Variants in EPB41L2 observed in about 807,000 individuals in gnomAD.
The protein encoded by EPB41L2 is erythrocyte membrane protein band 4.1 like 2, also known as band 4.1-like protein 2.
Under a neutral mutation model 113.0 loss-of-function variants are expected in EPB41L2, and 43 were observed. That is an observed-to-expected ratio of 0.38 (90% CI 0.30 to 0.49). The LOEUF is 0.49. Ranked by LOEUF, EPB41L2 falls within the 20% of genes least tolerant of loss-of-function variation. The pLI is 0.95. For synonymous variants in EPB41L2, 442 were observed against 436.7 expected (o/e 1.01, Z -0.15); for missense variants, 1,147 against 1,223.4 (o/e 0.94, Z 0.93).
At chr6:130,919,004 T>C (rs1802007968) in intron 4 of EPB41L2, among the ~76,000 whole-genome samples, 1 of 152,212 alleles carries the variant, frequency 6.6e-6, no homozygotes, top group Admixed American at 6.5e-5. Context: ...GGATTTTGTC[T>C]ACATAAGCAG....
intron 1 of EPB41L2, among the ~76,000 whole-genome samples, chr6:130,984,832 G>A (rs1780168259): frequency 6.6e-6 from 1 of 152,112 alleles, no homozygotes; most frequent in Non-Finnish European, 1.5e-5. Flanking sequence ...AGATTTACGG[G>A]CTTGGGACCA....
chr6:131,053,866 C>T (rs1285847112), intron 1 of EPB41L2, among the ~76,000 whole-genome samples: 1 of 152,230 alleles, frequency 6.6e-6, no homozygotes, highest in Non-Finnish European at 1.5e-5. Context: ...AGAAAGGCAA[C>T]TACAGGCTGT....
intron 14 of EPB41L2, among the ~76,000 whole-genome samples, chr6:130,872,731 T>C (rs1786172540): frequency 6.6e-6 from 1 of 152,212 alleles, no homozygotes; most frequent in African/African-American, 2.4e-5. Context: ...TTTTCCACCC[T>C]GCTTGAGAAT....
intron 4 of EPB41L2, among the ~76,000 whole-genome samples, chr6:130,920,835 C>G (rs1802648923): frequency 6.6e-6 from 1 of 151,950 alleles, no homozygotes; most frequent in Admixed American, 6.6e-5. Context: ...TTTTAAATTT[C>G]TTCATCCTTC....
chr6:130,972,980 C>T (rs571418176), intron 1 of EPB41L2, among the ~76,000 whole-genome samples: 8 of 141,818 alleles, frequency 5.6e-5, no homozygotes, highest in African/African-American at 1.6e-4. Context: ...GGTGTGGTGG[C>T]GCACGCCTGT....
chr6:130,998,219 G>A (rs1783587169), intron 1 of EPB41L2, among the ~76,000 whole-genome samples: 1 of 152,202 alleles, frequency 6.6e-6, no homozygotes. Context: ...TACTAGCTAT[G>A]AGACTTTGAC....
chr6:130,877,507 C>T (rs1787946811), intron 14 of EPB41L2, among the ~76,000 whole-genome samples: 2 of 151,890 alleles, frequency 1.3e-5, no homozygotes, highest in South Asian at 4.2e-4. Context: ...GAGAAGTAAA[C>T]CATGAAAAGA....
chr6:130,938,244 T>C (rs1236226431), intron 3 of EPB41L2, among the ~76,000 whole-genome samples: 1 of 152,190 alleles, frequency 6.6e-6, no homozygotes. Flanking sequence ...TAGGGAAAAA[T>C]CCACTTCATT....
At chr6:130,877,204 C>T (rs1787840195) in intron 14 of EPB41L2, among the ~76,000 whole-genome samples, 1 of 152,114 alleles carries the variant, frequency 6.6e-6, no homozygotes, top group Non-Finnish European at 1.5e-5. Context: ...ATAAAAATAG[C>T]ACTAGAATAT....
intron 4 of EPB41L2, among the ~76,000 whole-genome samples, chr6:130,912,358 G>C (rs1213330160): frequency 1.3e-5 from 2 of 152,118 alleles, no homozygotes; most frequent in Non-Finnish European, 2.9e-5. Context: ...ATGGTATAAC[G>C]GAACATTAAC....
intron 1 of EPB41L2, among the ~76,000 whole-genome samples, chr6:131,013,326 A>G (rs1231624638): frequency 6.6e-6 from 1 of 152,172 alleles, no homozygotes; most frequent in African/African-American, 2.4e-5. Context: ...AAGGCAGGAG[A>G]AAAACATGGA....
At chr6:130,844,102 A>G (rs534487390) in intron 19 of EPB41L2, among the ~76,000 whole-genome samples, 11 of 152,376 alleles carry the variant, frequency 7.2e-5, no homozygotes, top group African/African-American at 2.6e-4. Flanking sequence ...TTTAAGTGGT[A>G]CAGCACTCAT....
intron 1 of EPB41L2, among the ~76,000 whole-genome samples, chr6:130,993,098 GT>G (rs2128698748): frequency 6.6e-6 from 1 of 152,234 alleles, no homozygotes; most frequent in South Asian, 2.1e-4. Context: ...CAATCTTTGT[GT>G]TATTTTACAG....
At chr6:130,932,090 G>T (rs1404351143) in intron 3 of EPB41L2, among the ~76,000 whole-genome samples, 1 of 152,088 alleles carries the variant, frequency 6.6e-6, no homozygotes, top group East Asian at 1.9e-4. Context: ...TTTTTGAGCT[G>T]CTCTAAAATA....
At chr6:130,874,906 C>T (rs1411869276) in intron 14 of EPB41L2, among the ~76,000 whole-genome samples, 1 of 152,112 alleles carries the variant, frequency 6.6e-6, no homozygotes, top group Non-Finnish European at 1.5e-5. Context: ...TAAATTTGAT[C>T]GAATGATACC....
intron 12 of EPB41L2, chr6:130,880,663 AGT>A (rs1789029667): frequency 4.7e-6 from 2 of 428,846 alleles, no homozygotes. Flanking sequence ...CTTCACCTAC[AGT>A]GTTGTACGAA....
chr6:130,872,248 C>G (rs1222969538), intron 14 of EPB41L2: 1 of 707,652 alleles, frequency 1.4e-6, no homozygotes, highest in Non-Finnish European at 1.9e-6. Context: ...TTGAATGTTT[C>G]TCCCAGGAAG....
chr6:130,874,114 G>A (rs1449125164), intron 14 of EPB41L2, among the ~76,000 whole-genome samples: 1 of 152,074 alleles, frequency 6.6e-6, no homozygotes, highest in Admixed American at 6.6e-5. Flanking sequence ...AATAGTCTAT[G>A]CAAATTTAAG....
intron 18 of EPB41L2, among the ~76,000 whole-genome samples, chr6:130,862,651 T>A (rs1190586301): frequency 2.0e-5 from 3 of 152,196 alleles, no homozygotes; most frequent in African/African-American, 7.2e-5. Flanking sequence ...TAATAACTCT[T>A]AAGAAAATTT....
Sources: gnomAD v4.1 joint callset for allele counts (sites outside exome capture counted in the v4.1 genomes callset) on GRCh38, gnomAD v4.1.1 for gene constraint, MANE v1.5 for transcripts, NCBI Gene and HGNC (gene_info 2026-07-23, HGNC 2026-07-21) for gene names.